IQCK: variants seen among roughly 807,000 people sequenced by gnomAD.
IQCK encodes the protein IQ domain-containing protein K.
Under a neutral mutation model 28.1 loss-of-function variants are expected in IQCK, and 29 were observed. The ratio of observed to expected loss-of-function variants is 1.03; its 90% CI spans 0.77 to 1.41. The LOEUF is 1.41. Ranked by LOEUF, IQCK falls within the 40% of genes most tolerant of loss-of-function variation. IQCK has a pLI of 0.00. For synonymous variants in IQCK, 113 were observed against 115.1 expected (o/e 0.98, Z 0.12); for missense variants, 359 against 314.7 (o/e 1.14, Z -1.07).
intron 7 of IQCK, among the ~76,000 whole-genome samples, chr16:19,822,008 G>A (rs2056077726): frequency 7.0e-6 from 1 of 142,000 alleles, no homozygotes; most frequent in African/African-American, 2.7e-5. Context: ...GGAGGTTGCA[G>A]TGAGCCAAGA....
chr16:19,780,043 T>G (rs1416166425), intron 6 of IQCK, among the ~76,000 whole-genome samples: 1 of 142,954 alleles, frequency 7.0e-6, no homozygotes, highest in Non-Finnish European at 1.5e-5. Flanking sequence ...ATTTATTTAT[T>G]TATTTATTTA....
chr16:19,751,030 G>C (rs1312456112), intron 4 of IQCK, among the ~76,000 whole-genome samples: 2 of 151,992 alleles, frequency 1.3e-5, no homozygotes, highest in East Asian at 1.9e-4. Flanking sequence ...CTCTCCTTCA[G>C]CTCTGCTAGC....
intron 9 of IQCK, among the ~76,000 whole-genome samples, chr16:19,845,789 T>A (rs2056409533): frequency 6.6e-6 from 1 of 152,200 alleles, no homozygotes; most frequent in South Asian, 2.1e-4. Context: ...ACAAATAATT[T>A]TATAGCCGGG....
At chr16:19,750,309 T>C (rs1252178728) in intron 4 of IQCK, among the ~76,000 whole-genome samples, 1 of 152,036 alleles carries the variant, frequency 6.6e-6, no homozygotes, top group African/African-American at 2.4e-5. Flanking sequence ...ATATTTTTAG[T>C]AGAGACGGGG....
At chr16:19,789,410 C>A in intron 7 of IQCK, among the ~76,000 whole-genome samples, 1 of 30,838 alleles carries the variant, frequency 3.2e-5, no homozygotes, top group African/African-American at 2.9e-4. Context: ...TACCCTGTCT[C>A]CAAAAAAAAA....
intron 9 of IQCK, among the ~76,000 whole-genome samples, chr16:19,837,101 A>C (rs1217308183): frequency 2.6e-5 from 4 of 152,184 alleles, no homozygotes; most frequent in African/African-American, 9.7e-5. Context: ...ATTAATACAT[A>C]TTGTTAAGAA....
rs551634077 is a variant in IQCK at position 19,804,437 on chromosome 16, TTTG to T, written c.690+15526_690+15528del. 2.2e-3 allele frequency among the ~76,000 whole-genome samples: 331 copies of T among 152,060 alleles called. 2 individuals are homozygous for T. The highest frequency in any genetic ancestry group is 7.7e-3 in the African/African-American group (319 of 41,470). On this transcript the variant is annotated intron_variant, in intron 7 of 7. Coordinates refer to ENST00000564186, the Ensembl canonical transcript of IQCK. ...TGTATGTGTGTGTGTGGTGGTTTTT[TTTG>T]TTGTTGTTGTATTTTGAGACAGGGT...
chr16:19,759,108 C>G (rs917967179), intron 4 of IQCK, among the ~76,000 whole-genome samples: 1 of 152,060 alleles, frequency 6.6e-6, no homozygotes, highest in Admixed American at 6.6e-5. Context: ...GAGTTTTTTT[C>G]TTGCTTTGAT....
intron 6 of IQCK, among the ~76,000 whole-genome samples, chr16:19,778,028 G>A (rs1044038793): frequency 5.9e-5 from 9 of 152,082 alleles, no homozygotes; most frequent in African/African-American, 2.2e-4. Flanking sequence ...ACTCCAGCCC[G>A]GGTGACAGTG....
At chr16:19,750,770 A>C (rs2054976274) in intron 4 of IQCK, among the ~76,000 whole-genome samples, 1 of 152,202 alleles carries the variant, frequency 6.6e-6, no homozygotes, top group Non-Finnish European at 1.5e-5. Flanking sequence ...CCGAGAATTT[A>C]ATAAGATAAT....
At chr16:19,764,713 C>T (rs1199692376) in intron 6 of IQCK, among the ~76,000 whole-genome samples, 5 of 139,940 alleles carry the variant, frequency 3.6e-5, no homozygotes, top group South Asian at 2.2e-4. Context: ...TTTTTTGAGA[C>T]GGAGTCTTGC....
intron 7 of IQCK, among the ~76,000 whole-genome samples, chr16:19,813,994 G>A (rs1364500553): frequency 6.6e-6 from 1 of 152,092 alleles, no homozygotes; most frequent in Non-Finnish European, 1.5e-5. Context: ...CAGGGTGGCG[G>A]ATCACTTGAG....
intron 4 of IQCK, among the ~76,000 whole-genome samples, chr16:19,755,922 C>T (rs1226410103): frequency 5.3e-5 from 8 of 152,200 alleles, no homozygotes; most frequent in Non-Finnish European, 1.2e-4. Context: ...GTGGCTCACA[C>T]CTGTAATGCC....
chr16:19,751,293 G>A (rs897917682), intron 4 of IQCK, among the ~76,000 whole-genome samples: 8 of 152,100 alleles, frequency 5.3e-5, no homozygotes, highest in Non-Finnish European at 8.8e-5. Context: ...AGGAATTGGA[G>A]ACCAGCCTGG....
At chr16:19,753,801 CAG>C (rs750259884) in intron 4 of IQCK, among the ~76,000 whole-genome samples, 3 of 151,988 alleles carry the variant, frequency 2.0e-5, no homozygotes, top group Non-Finnish European at 4.4e-5. Context: ...TGGCCTCTAG[CAG>C]AGTCAGCTTT....
intron 6 of IQCK, among the ~76,000 whole-genome samples, chr16:19,786,448 A>G (rs2151730884): frequency 6.7e-6 from 1 of 148,336 alleles, no homozygotes; most frequent in Middle Eastern, 3.4e-3. Flanking sequence ...CTGTAATCCC[A>G]GCACTTTGGG....
At chr16:19,727,884 A>G (rs961733426) in intron 1 of IQCK, among the ~76,000 whole-genome samples, 9 of 152,090 alleles carry the variant, frequency 5.9e-5, no homozygotes, top group African/African-American at 1.7e-4. Flanking sequence ...TTGGGCTGGT[A>G]TGGTAGGCGG....
At chr16:19,761,288 C>T (rs935849736) in intron 4 of IQCK, 3 of 426,954 alleles carry the variant, frequency 7.0e-6, no homozygotes, top group African/African-American at 2.0e-5. Flanking sequence ...TGGGGTGATA[C>T]AATTCAACCC....
intron 7 of IQCK, among the ~76,000 whole-genome samples, chr16:19,802,459 A>C (rs910576919): frequency 1.3e-5 from 1 of 78,596 alleles, no homozygotes; most frequent in East Asian, 3.2e-4. Context: ...AATGGGAGTA[A>C]TAATTCCTGC....
Sources: allele counts gnomAD v4.1 joint callset (sites outside exome capture counted in the v4.1 genomes callset), GRCh38; gene constraint gnomAD v4.1.1; transcripts MANE v1.5; gene names NCBI Gene and HGNC (gene_info 2026-07-23, HGNC 2026-07-21).